Variants in TSPAN11 observed in about 807,000 individuals in gnomAD.
TSPAN11 encodes the protein tetraspanin-11.
Under a neutral mutation model 32.9 loss-of-function variants are expected in TSPAN11, and 29 were observed. The ratio of observed to expected loss-of-function variants is 0.88; its 90% CI spans 0.66 to 1.20. The LOEUF is 1.20. Among genes scored for constraint, TSPAN11 ranks in the 50% most tolerant of loss-of-function variants. TSPAN11 has a pLI of 0.00. For synonymous variants in TSPAN11, 140 were observed against 141.3 expected (o/e 0.99, Z 0.07); for missense variants, 283 against 329.1 (o/e 0.86, Z 1.08).
intron 3 of TSPAN11, 50 bp from the exon 4 acceptor site, chr12:30,978,511 A>C: frequency 6.3e-7 from 1 of 1,588,590 alleles, no homozygotes; most frequent in Non-Finnish European, 8.6e-7. Flanking sequence ...AACATTTGTC[A>C]TAGCAGCAAC....
the TSPAN11 span, chr12:31,015,836 G>A: frequency 1.3e-5 from 2 of 152,228 alleles, no homozygotes; most frequent in Non-Finnish European, 2.9e-5. This position sits in a 1 kb window ranked among gnomAD's most constrained non-coding sequence, Gnocchi z 4.9. Context: ...CGGGAGGGTT[G>A]GCAGCTGCGG....
rs35068 is a variant in TSPAN11, at chr12:30,995,727, G to A, written c.*3812G>A. 67,322 of 152,016 alleles carry A rather than the reference G, an allele frequency of 0.44. 16,414 individuals carry two copies. The highest frequency in any genetic ancestry group is 0.95 in the East Asian group (4,930 of 5,166). The allele number at this position is 152,016 out of a possible 1,614,324, so 9.4% of individuals were successfully genotyped here. A position where few individuals can be genotyped will look rare whatever the true frequency, so the allele number is the denominator to read the frequency against. ...TCCACTGAGGGTATAGTGACCAAGC[G>A]TCTAAACCAGTCGTTCTCAAACTTC... On this transcript the variant is annotated 3_prime_UTR_variant, in exon 8 of 8. Coordinates refer to ENST00000546076, the MANE Select transcript of TSPAN11 (RefSeq NM_001370302.1).
chr12:31,009,279 C>T, the TSPAN11 span, among the ~76,000 whole-genome samples: 3 of 152,220 alleles, frequency 2.0e-5, no homozygotes, highest in Non-Finnish European at 2.9e-5. Flanking sequence ...TGAAGCCCCA[C>T]CTCCTCCTCC....
intron 1 of TSPAN11, among the ~76,000 whole-genome samples, chr12:30,930,312 T>C (rs946476213): frequency 4.6e-5 from 7 of 152,200 alleles, no homozygotes; most frequent in African/African-American, 1.7e-4. Context: ...GCACTCATTG[T>C]TGAGGACATT....
Position 30,990,137 on chromosome 12 carries a change from CGT to C in TSPAN11, c.703-1705_703-1704del, listed in dbSNP as rs10692114. Reference sequence around the variant, plus strand: ...TCCACATGCTTCAGCGTGGTGTTCACGTGTGTGTGTGTGTGCAAGTGTGTGTG... The same window carrying C: ...TCCACATGCTTCAGCGTGGTGTTCACGTGTGTGTGTGTGCAAGTGTGTGTG... On this transcript the variant is annotated intron_variant, in intron 7 of 7. Transcript: ENST00000546076. Among the ~76,000 whole-genome samples the C allele has an allele frequency of 5.8e-4, 88 of 151,766 alleles. No homozygotes were observed. The South Asian group carries it at 8.5e-3, about 15-fold the overall frequency.
chr12:30,998,242 T>G (rs1030803200), downstream of TSPAN11, among the ~76,000 whole-genome samples: 6 of 152,242 alleles, frequency 3.9e-5, no homozygotes, highest in African/African-American at 9.6e-5. Context: ...AACAAGAGCC[T>G]TGTCAGCCAG....
intron 3 of TSPAN11, among the ~76,000 whole-genome samples, chr12:30,969,309 C>T (rs371604735): frequency 4.3e-4 from 66 of 152,312 alleles, no homozygotes; most frequent in African/African-American, 1.5e-3. Flanking sequence ...TGTTATGTTG[C>T]TCCATCAGCC....
At position 30,954,115 on chromosome 12, in the gene TSPAN11, T is replaced by C. The variant is rs774679456; in HGVS notation, c.84+40T>C. ...CACACACATCCTCTTCCCCGAGCAC[T>C]GAATGAGTCAAGCCACCTTTTGTTT... On this transcript the variant is annotated intron_variant, in intron 2 of 7. Coordinates refer to ENST00000546076, the MANE Select transcript of TSPAN11 (RefSeq NM_001370302.1). 4.0e-6 allele frequency: 6 copies of C among 1,492,910 alleles called. No homozygotes were observed. In the African/African-American group the frequency reaches 5.5e-5, roughly 14 times the overall value. The allele number at this position is 1,492,910 out of a possible 1,614,324, so 92.5% of individuals were successfully genotyped here. A position where few individuals can be genotyped will look rare whatever the true frequency, so the allele number is the denominator to read the frequency against.
chr12:31,014,879 G>A, the TSPAN11 span, among the ~76,000 whole-genome samples: 2 of 152,230 alleles, frequency 1.3e-5, no homozygotes, highest in African/African-American at 2.4e-5. Context: ...AGCCTGTGGC[G>A]CTCATCTGAA....
intron 1 of TSPAN11, among the ~76,000 whole-genome samples, chr12:30,946,212 T>TCCCC (rs1938264260): frequency 6.6e-6 from 1 of 151,976 alleles, no homozygotes; most frequent in Non-Finnish European, 1.5e-5. Context: ...TTCCAAGAAA[T>TCCCC]CCCCCTGTCC....
At chr12:31,008,901 C>T in the TSPAN11 span, among the ~76,000 whole-genome samples, 11 of 152,158 alleles carry the variant, frequency 7.2e-5, no homozygotes, top group Admixed American at 4.6e-4. Context: ...AGGAGAGACT[C>T]GGAAGGTCAC....
intron 1 of TSPAN11, among the ~76,000 whole-genome samples, chr12:30,952,767 C>G (rs1019706844): frequency 2.6e-5 from 4 of 152,180 alleles, no homozygotes; most frequent in Non-Finnish European, 5.9e-5. Flanking sequence ...GCAGGCCCAG[C>G]AGCCATGGTC....
intron 7 of TSPAN11, among the ~76,000 whole-genome samples, chr12:30,990,988 G>A (rs2140314285): frequency 6.6e-6 from 1 of 152,306 alleles, no homozygotes; most frequent in East Asian, 1.9e-4. Context: ...GAGAGGAAGA[G>A]GAGGAAGAAG....
intron 1 of TSPAN11, among the ~76,000 whole-genome samples, chr12:30,947,358 C>A (rs1196541972): frequency 6.6e-6 from 1 of 152,176 alleles, no homozygotes; most frequent in African/African-American, 2.4e-5. Context: ...GAGCCTTTCA[C>A]AGTGCACCAG....
the TSPAN11 span, among the ~76,000 whole-genome samples, chr12:31,009,990 G>A: frequency 1.5e-4 from 23 of 152,220 alleles, no homozygotes; most frequent in Non-Finnish European, 2.6e-4. Flanking sequence ...TTTTACAGAT[G>A]AGCAGGCTGA....
At chr12:31,004,949 T>A in the TSPAN11 span, among the ~76,000 whole-genome samples, 26 of 152,280 alleles carry the variant, frequency 1.7e-4, no homozygotes, top group African/African-American at 5.3e-4. Context: ...TCCTTCCCAC[T>A]CCTCTCTCCA....
At chr12:30,976,674 C>T (rs546444471) in intron 3 of TSPAN11, among the ~76,000 whole-genome samples, 4 of 152,326 alleles carry the variant, frequency 2.6e-5, no homozygotes, top group African/African-American at 9.6e-5. Flanking sequence ...CTTGTGGAAT[C>T]TGCAACTCCC....
At chr12:30,971,141 C>T (rs1938842496) in intron 3 of TSPAN11, among the ~76,000 whole-genome samples, 1 of 152,164 alleles carries the variant, frequency 6.6e-6, no homozygotes, top group Admixed American at 6.5e-5. Flanking sequence ...GTACCTGCCT[C>T]TCATCCCAAC....
chr12:30,972,607 G>A (rs991128856), intron 3 of TSPAN11, among the ~76,000 whole-genome samples: 3 of 152,166 alleles, frequency 2.0e-5, no homozygotes, highest in African/African-American at 7.2e-5. Context: ...TGTTTCTCAG[G>A]CTTGTACAAC....
Sources: allele counts gnomAD v4.1 joint callset (sites outside exome capture counted in the v4.1 genomes callset), GRCh38; gene constraint gnomAD v4.1.1; non-coding constraint Gnocchi (gnomAD v3.1); transcripts MANE v1.5; gene names NCBI Gene and HGNC (gene_info 2026-07-23, HGNC 2026-07-21).